COX7B2: variants seen among roughly 807,000 people sequenced by gnomAD.
COX7B2 encodes the protein cytochrome c oxidase subunit 7B2.
For missense variants in COX7B2, 109 were observed against 95.9 expected, an observed-to-expected ratio of 1.14 and a Z score of -0.57; for synonymous variants, 37 against 32.1, an observed-to-expected ratio of 1.15 and a Z score of -0.51.
chr4:46,794,911 A>T (rs1024990535), intron 2 of COX7B2, among the ~76,000 whole-genome samples: 3 of 152,230 alleles, frequency 2.0e-5, no homozygotes, highest in Non-Finnish European at 2.9e-5. Flanking sequence ...CCTGAAGCAT[A>T]AAAACAGAAA....
At chr4:46,890,844 T>A (rs1719389927) in intron 1 of COX7B2, among the ~76,000 whole-genome samples, 1 of 152,202 alleles carries the variant, frequency 6.6e-6, no homozygotes, top group South Asian at 2.1e-4. Flanking sequence ...TTATTCAGTA[T>A]AATAAGTCAC....
At chr4:46,759,244 C>A (rs1324743370) in intron 2 of COX7B2, among the ~76,000 whole-genome samples, 1 of 151,938 alleles carries the variant, frequency 6.6e-6, no homozygotes, top group Admixed American at 6.6e-5. Flanking sequence ...GAAGCAAAAA[C>A]CGGAAGAAAT....
chr4:46,740,729 A>G (rs1186989366), intron 2 of COX7B2, among the ~76,000 whole-genome samples: 1 of 152,144 alleles, frequency 6.6e-6, no homozygotes, highest in African/African-American at 2.4e-5. Flanking sequence ...TTAAGTACTC[A>G]TACCAGAAAT....
chr4:46,754,719 T>TATATATATATATAC (rs1459906692), intron 2 of COX7B2, among the ~76,000 whole-genome samples: 1 of 64,256 alleles, frequency 1.6e-5, no homozygotes, highest in Non-Finnish European at 3.1e-5. Flanking sequence ...TGTGTGTGTG[T>TATATATATATATAC]GTGTGTGTGT....
rs561258434 is a variant in COX7B2 at position 46,804,837 on chromosome 4, C to T, written c.-50+40123G>A. 1.2e-4 allele frequency among the ~76,000 whole-genome samples: 18 copies of T among 152,368 alleles called. No individual in the cohort carries two copies. In the South Asian group the frequency reaches 3.5e-3, roughly 30 times the overall value. On this transcript the variant is annotated intron_variant, in intron 2 of 2. Transcript: ENST00000355591. Reference sequence around the variant, plus strand: ...TCCTGTGCCGTGTGCCTGCACTCCTCAGCCTTTGGGTGGTTGATGGGACTG... The same window carrying T: ...TCCTGTGCCGTGTGCCTGCACTCCTTAGCCTTTGGGTGGTTGATGGGACTG...
chr4:46,771,014 T>C (rs1049739470), intron 2 of COX7B2, among the ~76,000 whole-genome samples: 1 of 152,054 alleles, frequency 6.6e-6, no homozygotes, highest in Non-Finnish European at 1.5e-5. Flanking sequence ...GCAAATCAAC[T>C]GTATAAACAG....
At chr4:46,779,625 C>T (rs1560375352) in intron 2 of COX7B2, among the ~76,000 whole-genome samples, 1 of 152,086 alleles carries the variant, frequency 6.6e-6, no homozygotes, top group African/African-American at 2.4e-5. Flanking sequence ...AATGGCTGCA[C>T]CAATCTACAT....
chr4:46,767,667 G>T (rs1320990120), intron 2 of COX7B2, among the ~76,000 whole-genome samples: 1 of 151,988 alleles, frequency 6.6e-6, no homozygotes, highest in Non-Finnish European at 1.5e-5. Context: ...TATCACAATG[G>T]TATAAAATTA....
chr4:46,756,318 G>A (rs984830206), intron 2 of COX7B2, among the ~76,000 whole-genome samples: 3 of 151,854 alleles, frequency 2.0e-5, no homozygotes, highest in Admixed American at 1.3e-4. Context: ...CTCAAGATGG[G>A]TTGAAGACCT....
intron 2 of COX7B2, among the ~76,000 whole-genome samples, chr4:46,836,658 A>C (rs1398796371): frequency 6.6e-6 from 1 of 152,128 alleles, no homozygotes; most frequent in Non-Finnish European, 1.5e-5. Context: ...GAACATATAA[A>C]CCAGTAATAT....
At chr4:46,892,800 C>T (rs1235270077) in intron 1 of COX7B2, among the ~76,000 whole-genome samples, 1 of 152,166 alleles carries the variant, frequency 6.6e-6, no homozygotes, top group Non-Finnish European at 1.5e-5. Flanking sequence ...TGTGTCCCCA[C>T]CCAAATCTCA....
intron 1 of COX7B2, among the ~76,000 whole-genome samples, chr4:46,882,490 T>C (rs915231203): frequency 3.9e-5 from 6 of 152,210 alleles, no homozygotes; most frequent in African/African-American, 1.4e-4. Context: ...ATCGCATGCA[T>C]ACATATTTAG....
At chr4:46,748,933 A>G (rs749800338) in intron 2 of COX7B2, among the ~76,000 whole-genome samples, 59 of 152,174 alleles carry the variant, frequency 3.9e-4, no homozygotes, top group Non-Finnish European at 7.8e-4. Flanking sequence ...ATATCTGCAT[A>G]TATGAACTCT....
rs187832016 is a variant in COX7B2, at chr4:46,831,383, C to A, written c.-50+13577G>T. Among the ~76,000 whole-genome samples the A allele has an allele frequency of 4.4e-3, 673 of 152,274 alleles. 6 individuals are homozygous for A. Among genetic ancestry groups the A allele is most frequent in the African/African-American group, 0.016 (652 of 41,562 alleles). On this transcript the variant is annotated intron_variant, in intron 2 of 2. Coordinates refer to ENST00000355591, the MANE Select transcript of COX7B2 (RefSeq NM_130902.3). ...GAGCCTCCTCAACGAGTGCCACCCC[C>A]GGCTCCACGGCACCCTGTCCCATCG...
rs756555602 is a variant in COX7B2, at chr4:46,735,188, A to G, written c.5T>C (p.Met2Thr). Residue 2 changes from methionine to threonine, a missense_variant, in exon 3 of 3, where the codon ATG (methionine) becomes ACG (threonine). By Grantham distance (81) the Met-to-Thr change is moderately conservative. Coordinates refer to ENST00000355591, the MANE Select transcript of COX7B2 (RefSeq NM_130902.3). MMFPLARNALSS... is the reference protein window; with the variant it reads MTFPLARNALSS... ...TAGTGCATTTCTGGCCAAGGGAAAC[A>G]TCATGAAGGATTGCAGTTGCCTTCA... 3 of 1,613,062 alleles carry G rather than the reference A, an allele frequency of 1.9e-6. No individual in the cohort carries two copies. Among genetic ancestry groups the G allele is most frequent in the Admixed American group, 3.4e-5 (2 of 59,588 alleles).
rs761904309 is a variant in COX7B2, at chr4:46,905,814, C to CTTTTTTTTTTTT, written c.-105+3334_-105+3345dup. Among the ~76,000 whole-genome samples, 41 of 71,690 alleles carry CTTTTTTTTTTTT rather than the reference C, an allele frequency of 5.7e-4. 4 individuals are homozygous for CTTTTTTTTTTTT. The highest frequency in any genetic ancestry group is 6.8e-4 in the Non-Finnish European group (27 of 39,994). 47.0% of individuals were successfully genotyped at this position (71,690 alleles called of 152,430 possible). A position where few individuals can be genotyped will look rare whatever the true frequency, so the allele number is the denominator to read the frequency against. ...TACCATCTCTGATAAGCATATATTT[C>CTTTTTTTTTTTT]TTTTTTTTTTTTTTTTTTTTTTTTT... is the stretch of plus-strand genomic sequence containing the variant. On this transcript the variant is annotated intron_variant, in intron 1 of 2. Transcript: ENST00000355591.
chr4:46,770,181 T>C (rs1055059626), intron 2 of COX7B2, among the ~76,000 whole-genome samples: 5 of 152,184 alleles, frequency 3.3e-5, no homozygotes, highest in African/African-American at 1.2e-4. Context: ...AAAAATCAGT[T>C]GTGTTTCTAT....
intron 1 of COX7B2, among the ~76,000 whole-genome samples, chr4:46,882,884 A>G (rs1031571326): frequency 1.3e-5 from 2 of 152,008 alleles, no homozygotes; most frequent in Non-Finnish European, 2.9e-5. Context: ...TAAGCCACAA[A>G]TCATTATCAC....
chr4:46,905,227 G>A (rs1720305818), intron 1 of COX7B2, among the ~76,000 whole-genome samples: 1 of 151,814 alleles, frequency 6.6e-6, no homozygotes, highest in Non-Finnish European at 1.5e-5. Context: ...ATAGAAGTAA[G>A]GTTTGTCAAA....
Sources: gnomAD v4.1 joint callset for allele counts (sites outside exome capture counted in the v4.1 genomes callset) on GRCh38, gnomAD v4.1.1 for gene constraint, MANE v1.5 for transcripts, NCBI Gene and HGNC (gene_info 2026-07-23, HGNC 2026-07-21) for gene names.